AFTPH: variants seen among roughly 807,000 people sequenced by gnomAD.
AFTPH encodes the protein aftiphilin protein.
A neutral mutation model predicts 72.5 loss-of-function variants in AFTPH; 7 were observed. The observed-to-expected ratio is 0.10, with a 90% CI of 0.05 to 0.18. The LOEUF is 0.18. Ranked by LOEUF, AFTPH falls within the 10% of genes least tolerant of loss-of-function variation. The pLI is 1.00. For synonymous variants in AFTPH, 337 were observed against 370.1 expected, an observed-to-expected ratio of 0.91 and a Z score of 1.03; for missense variants, 979 against 1,060.5, an observed-to-expected ratio of 0.92 and a Z score of 1.07.
At chr2:64,536,198 C>T (rs1669874854) in intron 1 of AFTPH, among the ~76,000 whole-genome samples, 1 of 152,046 alleles carries the variant, frequency 6.6e-6, no homozygotes, top group African/African-American at 2.4e-5. Context: ...ATCAGGAGGT[C>T]AGACATATAG....
intron 1 of AFTPH, among the ~76,000 whole-genome samples, chr2:64,549,985 C>G (rs1670933534): frequency 6.6e-6 from 1 of 152,124 alleles, no homozygotes; most frequent in African/African-American, 2.4e-5. Flanking sequence ...GATTTGACTT[C>G]CTAAAATTAA....
chr2:64,548,433 A>ACAAC lies in AFTPH; in HGVS notation c.-32-3010_-32-3009insCAAC, dbSNP rs1553397847. Among the ~76,000 whole-genome samples the ACAAC allele has an allele frequency of 3.9e-5, 4 of 102,542 alleles. 1 individual carries two copies. Among genetic ancestry groups the ACAAC allele is most frequent in the Admixed American group, 9.5e-5 (1 of 10,496 alleles). The allele number at this position is 102,542 out of a possible 152,430, so 67.3% of individuals were successfully genotyped here. A position where few individuals can be genotyped will look rare whatever the true frequency, so the allele number is the denominator to read the frequency against. On this transcript the variant is annotated intron_variant, in intron 1 of 8. Transcript: ENST00000238856. ...AAAAAAAAAAAAAAAAAAAAAAAAAAAACTTTAGAAAAAGGAATCCTGTAG... is the reference window on the plus strand; with the variant it reads ...AAAAAAAAAAAAAAAAAAAAAAAAAACAACAACTTTAGAAAAAGGAATCCTGTAG...
At chr2:64,529,470 C>CT (rs1300872188) in intron 1 of AFTPH, among the ~76,000 whole-genome samples, 1 of 151,978 alleles carries the variant, frequency 6.6e-6, no homozygotes, top group Non-Finnish European at 1.5e-5. Context: ...CTGTAAGTTT[C>CT]TTTAAGGTTG....
exon 2 of AFTPH, chr2:64,552,581 C>T (rs1470531597): frequency 6.2e-7 from 1 of 1,614,156 alleles, no homozygotes. Flanking sequence ...CTCACCTATG[C>T]ATGGATTCTG....
In AFTPH at chr2:64,548,407, GAAAAA is replaced by G. The variant is rs57995634; in HGVS notation, c.-32-3012_-32-3008del. ...AGAGCGAGACTCCGTCTCAAAAAAAGAAAAAAAAAAAAAAAAAAAAAAAAAAAACT... is the reference window on the plus strand; with the variant it reads ...AGAGCGAGACTCCGTCTCAAAAAAAGAAAAAAAAAAAAAAAAAAAAAAACT... On this transcript the variant is annotated intron_variant, in intron 1 of 8. Coordinates refer to ENST00000238856, the Ensembl canonical transcript of AFTPH. Among the ~76,000 whole-genome samples, 137 of 60,008 alleles carry G rather than the reference GAAAAA, an allele frequency of 2.3e-3. 2 individuals carry two copies. The East Asian group carries it at 0.037, about 16-fold the overall frequency. The allele number at this position is 60,008 out of a possible 152,430, so 39.4% of individuals were successfully genotyped here.
chr2:64,540,779 T>C (rs1248384773), intron 1 of AFTPH, among the ~76,000 whole-genome samples: 1 of 152,162 alleles, frequency 6.6e-6, no homozygotes, highest in Non-Finnish European at 1.5e-5. Flanking sequence ...ATTTTGCTGC[T>C]CATTTTCATT....
intron 7 of AFTPH, 65 bp downstream of exon 7, chr2:64,579,611 A>C (rs1260862196): frequency 5.1e-6 from 7 of 1,376,832 alleles, no homozygotes; most frequent in Admixed American, 1.8e-5. Context: ...AGTTCAGACA[A>C]ACTTCTCTCT....
rs1405782844 is a variant in AFTPH, at chr2:64,552,580, G to A, written c.1106G>A (p.Cys369Tyr). The stretch of plus-strand genomic sequence containing the variant: ...CTTACTTCTAAATGTGCTCACCTAT[G>A]CATGGATTCTGTTAAAACTTCTGAT... Residue 369 changes from cysteine to tyrosine, a missense_variant, in exon 2 of 9, where the codon TGC becomes TAC. Coordinates refer to ENST00000238856, the Ensembl canonical transcript of AFTPH. 1.2e-6 allele frequency: 2 copies of A among 1,614,180 alleles called. No homozygotes were observed. The highest frequency in any genetic ancestry group is 2.7e-5 in the African/African-American group (2 of 75,056).
Position 64,552,740 on chromosome 2 carries a change from G to A in AFTPH, c.1266G>A (p.Val422=), listed in dbSNP as rs761994534. Residue 422 remains valine, a synonymous_variant, in exon 2 of 9, where the codon GTG becomes GTA. Transcript: ENST00000238856. The stretch of plus-strand genomic sequence containing the variant: ...ATGGTGATAGTAGTAATGACTTTGT[G>A]ACTTGCAATGATATCAATGAAGATG... The A allele has an allele frequency of 2.5e-6, 4 of 1,614,040 alleles. No individual in the cohort carries two copies. The African/African-American group carries it at 4.0e-5, about 16-fold the overall frequency.
chr2:64,553,185 G>C lies in AFTPH; in HGVS notation c.1711G>C (p.Asp571His), dbSNP rs955598491. The C allele has an allele frequency of 1.5e-5, 25 of 1,614,068 alleles. No individual in the cohort carries two copies. Among genetic ancestry groups the C allele is most frequent in the Non-Finnish European group, 2.0e-5 (24 of 1,180,022 alleles). ...TTCAGCTGGTCCTAGCCAAGTTGTA[G>C]ATTGGAATGCTTTTGAGGATGAACA... is the stretch of plus-strand genomic sequence containing the variant. The change falls in exon 2 of 9, where the codon GAT becomes CAT. Residue 571 changes from aspartate to histidine, a missense_variant. Coordinates refer to ENST00000238856, the Ensembl canonical transcript of AFTPH.
chr2:64,580,286 A>G (rs930314043), intron 7 of AFTPH: 1 of 152,668 alleles, frequency 6.6e-6, no homozygotes, highest in African/African-American at 2.4e-5. Context: ...TGTTCGAGCC[A>G]TTGTCTAAAC....
At chr2:64,547,527 T>C (rs763950365) in intron 1 of AFTPH, among the ~76,000 whole-genome samples, 1 of 152,212 alleles carries the variant, frequency 6.6e-6, no homozygotes, top group Non-Finnish European at 1.5e-5. Context: ...CTTTTTCCCT[T>C]TGTAATTAAG....
At chr2:64,526,534 A>G (rs1228935176) in intron 1 of AFTPH, among the ~76,000 whole-genome samples, 1 of 152,228 alleles carries the variant, frequency 6.6e-6, no homozygotes, top group Non-Finnish European at 1.5e-5. Flanking sequence ...TTAAAAAATA[A>G]AGGTTTTTCC....
exon 3 of AFTPH, chr2:64,567,620 T>C: frequency 1.2e-6 from 2 of 1,613,746 alleles, no homozygotes; most frequent in Non-Finnish European, 8.5e-7. Flanking sequence ...TCCATACTTG[T>C]CCCTGATGCT....
At chr2:64,576,079 AC>A (rs1672767178) in intron 6 of AFTPH, among the ~76,000 whole-genome samples, 2 of 67,020 alleles carry the variant, frequency 3.0e-5, no homozygotes, top group Non-Finnish European at 4.4e-5. Context: ...CATGCTACAC[AC>A]ACACACACAC....
At chr2:64,567,685 A>C in exon 3 of AFTPH, 1 of 1,613,694 alleles carries the variant, frequency 6.2e-7, no homozygotes, top group Non-Finnish European at 8.5e-7. Flanking sequence ...TTTGCCAATA[A>C]AAACGAGAGA....
At chr2:64,524,450 A>T in exon 1 of AFTPH, 1 of 401,890 alleles carries the variant, frequency 2.5e-6, no homozygotes, top group Non-Finnish European at 4.4e-6. Flanking sequence ...CAGCGGTGAA[A>T]CTCCGGGTGG....
At chr2:64,525,131 A>AG (rs1206536122) in intron 1 of AFTPH, among the ~76,000 whole-genome samples, 1 of 152,222 alleles carries the variant, frequency 6.6e-6, no homozygotes, top group African/African-American at 2.4e-5. Flanking sequence ...CAACAGGCAG[A>AG]GGGGACAGCC....
At chr2:64,560,341 G>C (rs1439380255) in intron 2 of AFTPH, among the ~76,000 whole-genome samples, 1 of 151,836 alleles carries the variant, frequency 6.6e-6, no homozygotes, top group African/African-American at 2.4e-5. Context: ...AAACCATTGG[G>C]TAATCATTTT....
Sources: allele counts gnomAD v4.1 joint callset (sites outside exome capture counted in the v4.1 genomes callset), GRCh38; gene constraint gnomAD v4.1.1; transcripts MANE v1.5; gene names NCBI Gene and HGNC (gene_info 2026-07-23, HGNC 2026-07-21).